Variants in ZNF16 observed in about 807,000 individuals in gnomAD.
ZNF16 encodes the protein zinc finger protein 16, also known as zinc finger protein KOX9.
ZNF16 carries 7 observed loss-of-function variants against 9.0 expected under a neutral mutation model. That is an observed-to-expected ratio of 0.78 (90% CI 0.44 to 1.47). The LOEUF is 1.47. Among genes scored for constraint, ZNF16 ranks in the 40% most tolerant of loss-of-function variants. ZNF16 has a pLI of 0.01. For missense variants in ZNF16, 830 were observed against 854.2 expected, an observed-to-expected ratio of 0.97 and a Z score of 0.35; for synonymous variants, 312 against 301.5, an observed-to-expected ratio of 1.03 and a Z score of -0.36.
At chr8:144,946,310 A>C (rs1203897179) in intron 1 of ZNF16, 95 bp from the exon 2 acceptor site, 31 of 1,221,900 alleles carry the variant, frequency 2.5e-5, no homozygotes, top group Non-Finnish European at 3.0e-5. Context: ...CCACCCCTGC[A>C]GCCCAAGACC....
intron 2 of ZNF16, among the ~76,000 whole-genome samples, chr8:144,935,776 G>A (rs960837645): frequency 6.6e-6 from 1 of 152,174 alleles, no homozygotes; most frequent in Non-Finnish European, 1.5e-5. Context: ...TGCCACGTGT[G>A]GCTGTGATGC....
Position 144,930,812 on chromosome 8 carries a change from A to G in ZNF16, c.1975T>C (p.Cys659Arg), listed in dbSNP as rs780322309. Residue 659 changes from cysteine (C) to arginine (R), a missense_variant, in exon 3 of 3, where the codon TGT becomes CGT. Cys to Arg is a radical substitution (Grantham distance 180, BLOSUM62 -3). Transcript: ENST00000394909. ...CTGAAGGCTTTCCCACAAGCAGCAC[A>G]GTCATAGGGCTTCACCCCAGTGTGA... ...RIHTGVKPYDCAACGKAFSQR... is the reference protein window; with the variant it reads ...RIHTGVKPYDRAACGKAFSQR... 3 of 1,563,116 alleles carry G rather than the reference A, an allele frequency of 1.9e-6. No homozygotes were observed. The African/African-American group carries it at 4.1e-5, about 21-fold the overall frequency.
chr8:144,950,771 C>G (rs12546639), intron 1 of ZNF16, 26 bp downstream of exon 1: 50,600 of 152,146 alleles, frequency 0.33, 10,674 homozygotes, highest in African/African-American at 0.6. Flanking sequence ...CGCAGGGTCC[C>G]AGGCGTGGAG....
intron 2 of ZNF16, chr8:144,944,600 G>C (rs567177857): frequency 1.3e-5 from 2 of 152,348 alleles, no homozygotes; most frequent in South Asian, 4.1e-4. Flanking sequence ...CAATGTCTGT[G>C]CTTTCTCCAG....
At chr8:144,944,390 T>G (rs1413753244) in intron 2 of ZNF16, 1 of 152,086 alleles carries the variant, frequency 6.6e-6, no homozygotes, top group Admixed American at 6.6e-5. Flanking sequence ...TGAGCCACCG[T>G]GGTGCTGGGT....
At position 144,946,718 on chromosome 8, in the gene ZNF16, GGGCCC is replaced by G. The variant is rs1433882785; in HGVS notation, c.-9-508_-9-504del. ...TGCTGTGGGCCCGTGTCCTGCTGTG[GGGCCC>G]GTACCCTGCTGTGGGCCATACCCTT... is the stretch of plus-strand genomic sequence containing the variant. On this transcript the variant is annotated intron_variant, in intron 1 of 2. Coordinates refer to ENST00000394909, the MANE Select transcript of ZNF16 (RefSeq NM_006958.3). 6.1e-3 allele frequency among the ~76,000 whole-genome samples: 740 copies of G among 121,630 alleles called. 80 individuals carry two copies. Among genetic ancestry groups the G allele is most frequent in the Middle Eastern group, 0.019 (4 of 214 alleles). 79.8% of individuals were successfully genotyped at this position (121,630 alleles called of 152,430 possible).
At chr8:144,950,001 T>A (rs1268700918) in intron 1 of ZNF16, among the ~76,000 whole-genome samples, 1 of 152,224 alleles carries the variant, frequency 6.6e-6, no homozygotes, top group Non-Finnish European at 1.5e-5. Flanking sequence ...GATTGTACAT[T>A]TGTTCAATTC....
At position 144,930,540 on chromosome 8, in the gene ZNF16, A is replaced by T; in HGVS notation, c.*198T>A. ...ACAAGCCCAAACCCAAGACATCACA[A>T]GAGGCAAGAGCAGTGGCAGTGAGAA... is the stretch of plus-strand genomic sequence containing the variant. On this transcript the variant is annotated 3_prime_UTR_variant, in exon 3 of 3. Coordinates refer to ENST00000394909, the MANE Select transcript of ZNF16 (RefSeq NM_006958.3). 1 of 553,654 alleles carries T rather than the reference A, an allele frequency of 1.8e-6. No individual in the cohort carries two copies. The allele number at this position is 553,654 out of a possible 1,614,324, so 34.3% of individuals were successfully genotyped here.
chr8:144,939,140 T>C (rs192458961), intron 2 of ZNF16, among the ~76,000 whole-genome samples: 99 of 152,338 alleles, frequency 6.5e-4, no homozygotes, highest in African/African-American at 2.1e-3. Flanking sequence ...GGGAGTTTTA[T>C]ATCTCTAGCC....
rs61732864 is a variant in ZNF16, at chr8:144,931,870, G to A, written c.917C>T (p.Ser306Leu). ...NECGKAFSQN[S>L]SLKKHQKSHM... ...AGACTTTTGGTGCTTTTTAAGGCTC[G>A]AGTTCTGGCTGAAGGCTTTTCCACA... The change falls in exon 3 of 3, where the codon TCG (serine) becomes TTG (leucine). Residue 306 changes from serine to leucine, a missense_variant. Physicochemically the swap from Ser to Leu is moderately radical, Grantham distance 145 (BLOSUM62 -2). Coordinates refer to ENST00000394909, the MANE Select transcript of ZNF16 (RefSeq NM_006958.3). 1.0e-3 allele frequency: 1,617 copies of A among 1,614,186 alleles called. 18 individuals carry two copies. In the African/African-American group the frequency reaches 0.02, roughly 20 times the overall value.
intron 2 of ZNF16, among the ~76,000 whole-genome samples, chr8:144,937,903 A>G (rs1833721448): frequency 2.6e-5 from 4 of 152,112 alleles, no homozygotes; most frequent in Admixed American, 2.6e-4. Context: ...CCTGGCCTCA[A>G]GCGATCCTCT....
At position 144,930,518 on chromosome 8, in the gene ZNF16, A is replaced by G; in HGVS notation, c.*220T>C. On this transcript the variant is annotated 3_prime_UTR_variant, in exon 3 of 3. Coordinates refer to ENST00000394909, the MANE Select transcript of ZNF16 (RefSeq NM_006958.3). ...AGTCCGTTCACAAGCTGTAAAAACAAGCCCAAACCCAAGACATCACAAGAG... is the reference window on the plus strand; with the variant it reads ...AGTCCGTTCACAAGCTGTAAAAACAGGCCCAAACCCAAGACATCACAAGAG... The G allele has an allele frequency of 2.0e-6, 1 of 491,448 alleles. No homozygotes were observed. Among genetic ancestry groups the G allele is most frequent in the Non-Finnish European group, 3.5e-6 (1 of 285,814 alleles). The allele number at this position is 491,448 out of a possible 1,614,324, so 30.4% of individuals were successfully genotyped here. A position where few individuals can be genotyped will look rare whatever the true frequency, so the allele number is the denominator to read the frequency against.
In ZNF16 at chr8:144,931,945, GA is replaced by G. The variant is rs1161491552; in HGVS notation, c.841del (p.Ser281LeufsTer36). 1.9e-6 allele frequency: 3 copies of G among 1,613,280 alleles called. No individual in the cohort carries two copies. Among genetic ancestry groups the G allele is most frequent in the Non-Finnish European group, 1.7e-6 (2 of 1,179,524 alleles). On this transcript the variant is annotated frameshift_variant, in exon 3 of 3. Coordinates refer to ENST00000394909, the MANE Select transcript of ZNF16 (RefSeq NM_006958.3). LOFTEE classifies it low-confidence loss of function (END_TRUNC). ...GKAFRGHSDF[S>X]RHQSHHSSER... ...ACTGCTGTGGTGACTCTGATGCCTA[GA>G]AAAGTCTGAGTGCCCTCGGAAGGCT...
In ZNF16 at chr8:144,930,615, C is replaced by T; in HGVS notation, c.*123G>A. ...AGGAGGGTCCCAGGCTATGTGGCCACTGGATGTAGGCAGTGAGCTGAGTCC... is the reference window on the plus strand; with the variant it reads ...AGGAGGGTCCCAGGCTATGTGGCCATTGGATGTAGGCAGTGAGCTGAGTCC... On this transcript the variant is annotated 3_prime_UTR_variant, in exon 3 of 3. Coordinates refer to ENST00000394909, the MANE Select transcript of ZNF16 (RefSeq NM_006958.3). 1 of 1,109,990 alleles carries T rather than the reference C, an allele frequency of 9.0e-7. No homozygotes were observed. The highest frequency in any genetic ancestry group is 2.6e-5 in the Admixed American group (1 of 38,730). The allele number at this position is 1,109,990 out of a possible 1,614,324, so 68.8% of individuals were successfully genotyped here.
At position 144,930,963 on chromosome 8, in the gene ZNF16, C is replaced by T. The variant is rs750350229; in HGVS notation, c.1824G>A (p.Lys608=). 2 of 1,613,910 alleles carry T rather than the reference C, an allele frequency of 1.2e-6. No homozygotes were observed. The highest frequency in any genetic ancestry group is 1.7e-6 in the Non-Finnish European group (2 of 1,179,922). The change falls in exon 3 of 3, where the codon AAG becomes AAA. Residue 608 remains lysine (K), a synonymous_variant. Coordinates refer to ENST00000394909, the MANE Select transcript of ZNF16 (RefSeq NM_006958.3). The part of the protein sequence containing the change: ...EKPYTCVECG[K]GFSQSSHLIQ... ...TGAGGTGTGAGCTCTGGCTGAAGCCCTTACCACATTCAACACAGGTGTAGG... is the reference window on the plus strand; with the variant it reads ...TGAGGTGTGAGCTCTGGCTGAAGCCTTTACCACATTCAACACAGGTGTAGG...
intron 2 of ZNF16, chr8:144,944,066 CT>C (rs1289712838): frequency 2.9e-5 from 4 of 136,486 alleles, no homozygotes; most frequent in Admixed American, 7.3e-5. Context: ...TTTTTTTTTT[CT>C]TTTTTTCTTT....
chr8:144,943,892 C>T (rs775343529), intron 2 of ZNF16, among the ~76,000 whole-genome samples: 1 of 152,078 alleles, frequency 6.6e-6, no homozygotes, highest in Non-Finnish European at 1.5e-5. Context: ...TTCAAGTTGC[C>T]GATTTTTCTG....
intron 2 of ZNF16, among the ~76,000 whole-genome samples, chr8:144,941,667 A>ATT (rs113061574): frequency 2.1e-5 from 3 of 142,172 alleles, no homozygotes; most frequent in African/African-American, 7.6e-5. Flanking sequence ...TCTTGTGTCC[A>ATT]TTTTTTTTTT....
At chr8:144,940,623 T>C (rs932316127) in intron 2 of ZNF16, among the ~76,000 whole-genome samples, 1 of 152,246 alleles carries the variant, frequency 6.6e-6, no homozygotes, top group African/African-American at 2.4e-5. Context: ...GTCTAACATA[T>C]GGTTTGTGTT....
Sources: gnomAD v4.1 joint callset for allele counts (sites outside exome capture counted in the v4.1 genomes callset) on GRCh38, gnomAD v4.1.1 for gene constraint, MANE v1.5 for transcripts, NCBI Gene and HGNC (gene_info 2026-07-23, HGNC 2026-07-21) for gene names.